B3GLCT: variants seen among roughly 807,000 people sequenced by gnomAD.
B3GLCT encodes the protein beta-1,3-glucosyltransferase.
B3GLCT carries 65 observed loss-of-function variants against 63.4 expected under a neutral mutation model. The ratio of observed to expected loss-of-function variants is 1.03; its 90% confidence interval spans 0.84 to 1.26. B3GLCT has a LOEUF of 1.26. B3GLCT is among the 50% of genes most tolerant of loss of function. The pLI is 0.00. For synonymous variants in B3GLCT, 233 were observed against 219.2 expected, an observed-to-expected ratio of 1.06 and a Z score of -0.55; for missense variants, 577 against 604.8, an observed-to-expected ratio of 0.95 and a Z score of 0.48.
chr13:31,229,376 G>A lies in B3GLCT; in HGVS notation c.270+82G>A. The stretch of plus-strand genomic sequence containing the variant: ...TTTTCCAAAACACTGGATCCGTGGA[G>A]AATCAGTTTTTATTTAGACGAGAAT... On this transcript the variant is annotated intron_variant, in intron 4 of 14. Coordinates refer to ENST00000343307, the MANE Select transcript of B3GLCT (RefSeq NM_194318.4). The A allele has an allele frequency of 8.1e-6, 7 of 860,430 alleles. No individual in the cohort carries two copies. In the South Asian group the frequency reaches 8.1e-5, roughly 10 times the overall value. 53.3% of individuals were successfully genotyped at this position (860,430 alleles called of 1,614,324 possible).
At chr13:31,241,374 GA>G (rs1487356918) in intron 4 of B3GLCT, among the ~76,000 whole-genome samples, 1 of 152,222 alleles carries the variant, frequency 6.6e-6, no homozygotes, top group Non-Finnish European at 1.5e-5. Context: ...GTCTAGTGGT[GA>G]CAGTGGAGGC....
At chr13:31,201,930 T>C (rs1322597235) in intron 1 of B3GLCT, among the ~76,000 whole-genome samples, 1 of 152,178 alleles carries the variant, frequency 6.6e-6, no homozygotes, top group East Asian at 1.9e-4. Context: ...ATTTGGCCTT[T>C]GGGAACTGGC....
intron 9 of B3GLCT, among the ~76,000 whole-genome samples, chr13:31,276,072 C>G (rs755945238): frequency 4.6e-5 from 7 of 152,150 alleles, no homozygotes; most frequent in South Asian, 2.1e-4. Context: ...TGACAAATCC[C>G]TCTTTGTGCC....
intron 8 of B3GLCT, among the ~76,000 whole-genome samples, chr13:31,272,307 C>T (rs994420885): frequency 1.3e-5 from 2 of 151,708 alleles, no homozygotes; most frequent in Non-Finnish European, 2.9e-5. Flanking sequence ...CCTCCACATC[C>T]TGGGTTCAAG....
chr13:31,227,213 G>A (rs1037696498), intron 3 of B3GLCT, among the ~76,000 whole-genome samples: 10 of 151,836 alleles, frequency 6.6e-5, no homozygotes, highest in African/African-American at 1.2e-4. Flanking sequence ...CTTTTACACA[G>A]TGCCACTGTA....
chr13:31,267,960 C>A (rs889457837), intron 7 of B3GLCT, among the ~76,000 whole-genome samples: 3 of 151,858 alleles, frequency 2.0e-5, no homozygotes, highest in African/African-American at 7.3e-5. Flanking sequence ...CCCACCTCAG[C>A]CTTCTGAGTA....
At chr13:31,319,040 C>T (rs955383631) in intron 13 of B3GLCT, among the ~76,000 whole-genome samples, 4 of 152,138 alleles carry the variant, frequency 2.6e-5, no homozygotes, top group Non-Finnish European at 5.9e-5. Flanking sequence ...GTTGTTTATT[C>T]GTTCAACTGG....
chr13:31,318,766 A>G (rs538680919), intron 13 of B3GLCT, among the ~76,000 whole-genome samples: 1 of 152,332 alleles, frequency 6.6e-6, no homozygotes, highest in East Asian at 1.9e-4. Flanking sequence ...TAAGGATCAG[A>G]ACATGGCACC....
chr13:31,213,347 T>C (rs1363301449), intron 1 of B3GLCT, among the ~76,000 whole-genome samples: 2 of 152,308 alleles, frequency 1.3e-5, no homozygotes, highest in African/African-American at 4.8e-5. Flanking sequence ...CCTAGCACTT[T>C]GGGGTGCTGA....
chr13:31,264,907 G>A (rs1872214995), intron 7 of B3GLCT, among the ~76,000 whole-genome samples: 1 of 152,210 alleles, frequency 6.6e-6, no homozygotes, highest in Admixed American at 6.5e-5. Flanking sequence ...TTGGGGTGAG[G>A]TCTGTGGTTG....
chr13:31,287,829 A>G (rs1873419753), intron 12 of B3GLCT, among the ~76,000 whole-genome samples: 1 of 152,236 alleles, frequency 6.6e-6, no homozygotes, highest in Admixed American at 6.5e-5. Context: ...TCATACCTCT[A>G]GAGATGAAAA....
Position 31,289,462 on chromosome 13 carries a change from T to TAGGACTTCACATGGC in B3GLCT, c.1064+2644_1064+2645insGGACTTCACATGGCA, listed in dbSNP as rs1566083490. On this transcript the variant is annotated intron_variant, in intron 12 of 14. Coordinates refer to ENST00000343307, the MANE Select transcript of B3GLCT (RefSeq NM_194318.4). The stretch of plus-strand genomic sequence containing the variant: ...CATATTAGGACTTCACATGGCATAT[T>TAGGACTTCACATGGC]ATATTCAGAATGTTTAAATTCAAGT... 3.9e-5 allele frequency among the ~76,000 whole-genome samples: 6 copies of TAGGACTTCACATGGC among 152,306 alleles called. No homozygotes were observed. In the South Asian group the frequency reaches 1.0e-3, roughly 26 times the overall value.
At chr13:31,234,788 G>T (rs886519028) in intron 4 of B3GLCT, among the ~76,000 whole-genome samples, 2 of 152,110 alleles carry the variant, frequency 1.3e-5, no homozygotes, top group African/African-American at 4.8e-5. Flanking sequence ...CTCGTCTCTG[G>T]CAATACATGT....
intron 12 of B3GLCT, among the ~76,000 whole-genome samples, chr13:31,296,150 C>G (rs1873932453): frequency 6.6e-6 from 1 of 152,198 alleles, no homozygotes; most frequent in African/African-American, 2.4e-5. Flanking sequence ...ACCCACTGTC[C>G]AACCAGTCCC....
In B3GLCT at chr13:31,203,441, A is replaced by G. The variant is rs1868784262; in HGVS notation, c.70+3287A>G. Among the ~76,000 whole-genome samples, 3 of 152,264 alleles carry G rather than the reference A, an allele frequency of 2.0e-5. No individual in the cohort carries two copies. The East Asian group carries it at 5.8e-4, about 29-fold the overall frequency. ...GGAGGGAGGGAGAGCATCTGTTTCAAATAGCAGTGTGAATTCGAAGGAGGT... is the reference window on the plus strand; with the variant it reads ...GGAGGGAGGGAGAGCATCTGTTTCAGATAGCAGTGTGAATTCGAAGGAGGT... On this transcript the variant is annotated intron_variant, in intron 1 of 14. Coordinates refer to ENST00000343307, the MANE Select transcript of B3GLCT (RefSeq NM_194318.4).
At chr13:31,277,279 G>A (rs558203026) in intron 10 of B3GLCT, among the ~76,000 whole-genome samples, 21 of 151,988 alleles carry the variant, frequency 1.4e-4, no homozygotes, top group South Asian at 4.2e-4. Context: ...AAAAAGCCGC[G>A]GTACAAACAG....
chr13:31,213,624 C>CCCACCCCCA (rs1555244563), intron 1 of B3GLCT, among the ~76,000 whole-genome samples: 1 of 73,024 alleles, frequency 1.4e-5, no homozygotes, highest in African/African-American at 4.7e-5. Context: ...CCACCCCACC[C>CCCACCCCCA]CCCCCCCCCG....
intron 6 of B3GLCT, among the ~76,000 whole-genome samples, chr13:31,251,100 C>G (rs902774965): frequency 3.9e-5 from 6 of 152,166 alleles, no homozygotes; most frequent in African/African-American, 1.4e-4. Context: ...CCAGCAAACT[C>G]CAGCAGACCT....
chr13:31,276,896 A>C (rs1872819872), intron 10 of B3GLCT, 125 bp downstream of exon 10: 1 of 766,560 alleles, frequency 1.3e-6, no homozygotes, highest in Admixed American at 2.1e-5. Context: ...GTTGAAGTGA[A>C]AGCAGTTATT....
Sources: gnomAD v4.1 joint callset for allele counts (sites outside exome capture counted in the v4.1 genomes callset) on GRCh38, gnomAD v4.1.1 for gene constraint, MANE v1.5 for transcripts, NCBI Gene and HGNC (gene_info 2026-07-23, HGNC 2026-07-21) for gene names.